The following FBXO32 variants were observed in gnomAD, a reference collection of about 807,000 sequenced individuals.
FBXO32 encodes F-box protein 32.
A neutral mutation model predicts 48.3 loss-of-function variants in FBXO32; 15 were observed. That is an observed-to-expected ratio of 0.31 (90% CI 0.21 to 0.48). The LOEUF (loss-of-function observed/expected upper bound fraction) is 0.48. FBXO32 is among the 20% of genes least tolerant of loss of function. FBXO32 has a pLI of 0.99. For missense variants in FBXO32, 309 were observed against 432.7 expected, an observed-to-expected ratio of 0.71 and a Z score of 2.54; for synonymous variants, 154 against 165.9, an observed-to-expected ratio of 0.93 and a Z score of 0.55.
intron 1 of FBXO32, among the ~76,000 whole-genome samples, chr8:123,539,135 A>C (rs1224244485): frequency 6.6e-6 from 1 of 152,196 alleles, no homozygotes; most frequent in Non-Finnish European, 1.5e-5. Flanking sequence ...CCTCCCGAGT[A>C]GGGTAAGTAT....
chr8:123,538,637 G>T (rs1817354520), intron 1 of FBXO32, among the ~76,000 whole-genome samples: 1 of 152,040 alleles, frequency 6.6e-6, no homozygotes. Context: ...GTTTACAGTT[G>T]CTGGAAAAAA....
intron 2 of FBXO32, among the ~76,000 whole-genome samples, chr8:123,534,159 G>C (rs190577941): frequency 1.6e-4 from 23 of 146,902 alleles, no homozygotes; most frequent in Admixed American, 1.5e-3. Context: ...TCAAGTACAA[G>C]TTTATTTTAA....
At position 123,503,336 on chromosome 8, in the gene FBXO32, A is replaced by AG. The variant is rs749233647; in HGVS notation, c.*36dup. Reference sequence around the variant, plus strand: ...CCATATTCCCAGCTCTCCAGTCAGCAGGGGGACCCTTCTGAAGTGTTGTCA... The same window carrying AG: ...CCATATTCCCAGCTCTCCAGTCAGCAGGGGGGACCCTTCTGAAGTGTTGTCA... On this transcript the variant is annotated 3_prime_UTR_variant, in exon 9 of 9. Coordinates refer to ENST00000517956, the MANE Select transcript of FBXO32 (RefSeq NM_058229.4). 1 of 1,551,260 alleles carries AG rather than the reference A, an allele frequency of 6.4e-7. No individual in the cohort carries two copies. The highest frequency in any genetic ancestry group is 2.2e-5 in the East Asian group (1 of 44,552).
rs751772165 is a variant in FBXO32 at position 123,540,923 on chromosome 8, C to T, written c.92G>A (p.Gly31Asp). ...GWKRFLDEKSGSFVSDLSSYC... is the reference protein window; with the variant it reads ...GWKRFLDEKSDSFVSDLSSYC... ...CCTGCTGAGGTCGCTCACGAAACTG[C>T]CGCTCTTCTCATCCAGGAAGCGCTT... The change falls in exon 1 of 9, where the codon GGC (glycine) becomes GAC (aspartate). Residue 31 changes from glycine to aspartate, a missense_variant. Physicochemically the swap from Gly to Asp is moderately conservative, Grantham distance 94. Transcript: ENST00000517956. This position sits in a 1 kb window ranked among gnomAD's most constrained non-coding sequence, Gnocchi z 6.4. 1 of 1,613,600 alleles carries T rather than the reference C, an allele frequency of 6.2e-7. No homozygotes were observed. The highest frequency in any genetic ancestry group is 1.1e-5 in the South Asian group (1 of 91,074).
rs995603829 is a variant in FBXO32, at chr8:123,506,506, C to T, written c.720G>A (p.Leu240=). Residue 240 remains leucine, a synonymous_variant, in exon 7 of 9, where the codon CTG becomes CTA. Coordinates refer to ENST00000517956, the MANE Select transcript of FBXO32 (RefSeq NM_058229.4). The surrounding 1 kb of genome is among the most constrained non-coding windows in gnomAD (Gnocchi z 4.0). ...LCLQLNIMQR[L]SDGRDLVSLG... ...GGCTGACCAGGTCCCGCCCGTCGCTCAGCCTCTGCATGATGTTCAGTTGTA... is the reference window on the plus strand; with the variant it reads ...GGCTGACCAGGTCCCGCCCGTCGCTTAGCCTCTGCATGATGTTCAGTTGTA... 6.2e-7 allele frequency: 1 copy of T among 1,613,828 alleles called. No homozygotes were observed. Among genetic ancestry groups the T allele is most frequent in the Non-Finnish European group, 8.5e-7 (1 of 1,179,872 alleles).
In FBXO32 at chr8:123,502,762, C is replaced by T. The variant is rs1816523317; in HGVS notation, c.*611G>A. The T allele has an allele frequency of 6.6e-6, 1 of 152,218 alleles. No individual in the cohort carries two copies. The highest frequency in any genetic ancestry group is 2.1e-4 in the South Asian group (1 of 4,832). The allele number at this position is 152,218 out of a possible 1,614,324, so 9.4% of individuals were successfully genotyped here. A position where few individuals can be genotyped will look rare whatever the true frequency, so the allele number is the denominator to read the frequency against. On this transcript the variant is annotated 3_prime_UTR_variant, in exon 9 of 9. Transcript: ENST00000517956. ...CACTTACGAGAAAAACAGACACTGC[C>T]TACTGGATCACATGCGTTGTCAGAG...
At chr8:123,520,516 A>G (rs1180916439) in intron 4 of FBXO32, among the ~76,000 whole-genome samples, 1 of 152,188 alleles carries the variant, frequency 6.6e-6, no homozygotes, top group Non-Finnish European at 1.5e-5. Context: ...GCTTTGGCTC[A>G]TGCTAGTTCT....
At chr8:123,538,864 A>T (rs1308711883) in intron 1 of FBXO32, among the ~76,000 whole-genome samples, 1 of 152,212 alleles carries the variant, frequency 6.6e-6, no homozygotes, top group African/African-American at 2.4e-5. Context: ...ACCTGATTCC[A>T]GCCCAGTCTA....
In FBXO32 at chr8:123,513,502, T is replaced by C. The variant is rs1461467886; in HGVS notation, c.467-120A>G. On this transcript the variant is annotated intron_variant, in intron 5 of 8. Transcript: ENST00000517956. The surrounding 1 kb of genome is among the most constrained non-coding windows in gnomAD (Gnocchi z 4.3). Reference sequence around the variant, plus strand: ...TACCCAGGCACTGCCTCTGGGGATATGGTTTTCTTCCTCACCAGTGTTTAT... The same window carrying C: ...TACCCAGGCACTGCCTCTGGGGATACGGTTTTCTTCCTCACCAGTGTTTAT... 1 of 853,890 alleles carries C rather than the reference T, an allele frequency of 1.2e-6. No individual in the cohort carries two copies. The highest frequency in any genetic ancestry group is 1.7e-5 in the African/African-American group (1 of 58,822). The allele number at this position is 853,890 out of a possible 1,614,324, so 52.9% of individuals were successfully genotyped here. A position where few individuals can be genotyped will look rare whatever the true frequency, so the allele number is the denominator to read the frequency against.
intron 1 of FBXO32, among the ~76,000 whole-genome samples, chr8:123,535,843 T>C (rs1817300108): frequency 6.7e-6 from 1 of 149,010 alleles, no homozygotes; most frequent in Non-Finnish European, 1.5e-5. Context: ...TTTTTTTTGC[T>C]ATACCACCGA....
intron 4 of FBXO32, among the ~76,000 whole-genome samples, chr8:123,528,618 T>C (rs1424222870): frequency 6.6e-6 from 1 of 152,222 alleles, no homozygotes; most frequent in Non-Finnish European, 1.5e-5. Context: ...GTAGAAATGT[T>C]ATATAAACAT....
rs140268507 is a variant in FBXO32, at chr8:123,523,623, CAACA to C, written c.372+8271_372+8274del. On this transcript the variant is annotated intron_variant, in intron 4 of 8. Transcript: ENST00000517956. ...CAAACAACAACAACAACAACAACAACAACAAACAAACAAAAAAAAGAAAGAAAAC... is the reference window on the plus strand; with the variant it reads ...CAAACAACAACAACAACAACAACAACAACAAACAAAAAAAAGAAAGAAAAC... Among the ~76,000 whole-genome samples, 87 of 144,342 alleles carry C rather than the reference CAACA, an allele frequency of 6.0e-4. 1 individual carries two copies. Among genetic ancestry groups the C allele is most frequent in the African/African-American group, 1.6e-3 (63 of 38,808 alleles). The allele number at this position is 144,342 out of a possible 152,430, so 94.7% of individuals were successfully genotyped here.
At chr8:123,539,182 C>CA (rs1328343374) in intron 1 of FBXO32, among the ~76,000 whole-genome samples, 1 of 152,086 alleles carries the variant, frequency 6.6e-6, no homozygotes, top group African/African-American at 2.4e-5. Context: ...CTGCTGAACT[C>CA]AATCATCTGT....
intron 3 of FBXO32, among the ~76,000 whole-genome samples, chr8:123,532,705 A>G (rs1202478894): frequency 2.0e-5 from 3 of 152,238 alleles, no homozygotes; most frequent in African/African-American, 7.2e-5. Flanking sequence ...GCAGAGAGAA[A>G]ATATACATAA....
chr8:123,512,958 C>T (rs995220753), intron 6 of FBXO32, among the ~76,000 whole-genome samples: 1 of 152,202 alleles, frequency 6.6e-6, no homozygotes, highest in Admixed American at 6.5e-5. Context: ...TTCCAGCTTT[C>T]CCATAATAGT....
rs887767026 is a variant in FBXO32, at chr8:123,532,683, G to C, written c.279+508C>G. Among the ~76,000 whole-genome samples, 3 of 152,170 alleles carry C rather than the reference G, an allele frequency of 2.0e-5. 1 individual carries two copies. The highest frequency in any genetic ancestry group is 7.2e-5 in the African/African-American group (3 of 41,432). On this transcript the variant is annotated intron_variant, in intron 3 of 8. Coordinates refer to ENST00000517956, the MANE Select transcript of FBXO32 (RefSeq NM_058229.4). ...TATTGCCTGTATCCTAGTTATTTTAGCAAATGCCTGTGCAGAGAGAAAATA... is the reference window on the plus strand; with the variant it reads ...TATTGCCTGTATCCTAGTTATTTTACCAAATGCCTGTGCAGAGAGAAAATA...
At chr8:123,534,123 A>G (rs1817264913) in intron 2 of FBXO32, among the ~76,000 whole-genome samples, 2 of 56,114 alleles carry the variant, frequency 3.6e-5, no homozygotes, top group African/African-American at 1.4e-4. Context: ...AAAAAACACC[A>G]AAAAAAAAAA....
chr8:123,530,153 C>T (rs949377804), intron 4 of FBXO32, among the ~76,000 whole-genome samples: 2 of 152,126 alleles, frequency 1.3e-5, no homozygotes, highest in African/African-American at 2.4e-5. Flanking sequence ...AGAGCTTAGC[C>T]GAAGAGTGAA....
Position 123,513,347 on chromosome 8 carries a change from C to G in FBXO32, c.502G>C (p.Glu168Gln). 1 of 1,614,052 alleles carries G rather than the reference C, an allele frequency of 6.2e-7. No individual in the cohort carries two copies. The highest frequency in any genetic ancestry group is 1.1e-5 in the South Asian group (1 of 91,066). ...GATGTGTAGAGGGTCTGGAGTAGTT[C>G]CCTTATTAGTCTAATGTTTTGCTGG... ...EDQQNIRLIR[E>Q]LLQTLYTSLC... The change falls in exon 6 of 9, where the codon GAA becomes CAA. Residue 168 changes from glutamate (E) to glutamine (Q), a missense_variant. Glu to Gln is a conservative substitution (Grantham distance 29). Transcript: ENST00000517956. The surrounding 1 kb of genome is among the most constrained non-coding windows in gnomAD (Gnocchi z 4.3).
Sources: allele counts gnomAD v4.1 joint callset (sites outside exome capture counted in the v4.1 genomes callset), GRCh38; gene constraint gnomAD v4.1.1; non-coding constraint Gnocchi (gnomAD v3.1); transcripts MANE v1.5; gene names NCBI Gene and HGNC (gene_info 2026-07-23, HGNC 2026-07-21).